Variants in PPP6R2 observed in about 807,000 individuals in gnomAD.
PPP6R2 encodes serine/threonine-protein phosphatase 6 regulatory subunit 2.
Under a neutral mutation model 100.2 loss-of-function variants are expected in PPP6R2, and 62 were observed. The observed-to-expected ratio is 0.62, with a 90% CI of 0.50 to 0.76. PPP6R2 has a LOEUF of 0.76. Among genes scored for constraint, PPP6R2 ranks in the 30% least tolerant of loss-of-function variants. The pLI, the probability that PPP6R2 is intolerant of heterozygous loss-of-function variation, is 0.00. For synonymous variants in PPP6R2, 525 were observed against 514.7 expected, an observed-to-expected ratio of 1.02 and a Z score of -0.27; for missense variants, 1,142 against 1,276.3, an observed-to-expected ratio of 0.89 and a Z score of 1.60.
intron 4 of PPP6R2, among the ~76,000 whole-genome samples, chr22:50,410,815 A>G (rs2059639720): frequency 1.3e-5 from 2 of 151,128 alleles, no homozygotes; most frequent in African/African-American, 4.9e-5. Context: ...CGTTTGAGAC[A>G]AAGTCTCCCT....
At chr22:50,331,027 G>A in the PPP6R2 span, among the ~76,000 whole-genome samples, 279 of 152,270 alleles carry the variant, frequency 1.8e-3, 4 homozygotes, top group East Asian at 0.042. Context: ...AAGCCATGAC[G>A]TGTGTGGGGA....
At chr22:50,398,708 G>T (rs921683422) in intron 3 of PPP6R2, among the ~76,000 whole-genome samples, 2 of 147,760 alleles carry the variant, frequency 1.4e-5, no homozygotes, top group Admixed American at 6.8e-5. Flanking sequence ...GAAGAGACGG[G>T]GTTACCATGT....
chr22:50,400,405 A>C (rs1355023188), intron 3 of PPP6R2, among the ~76,000 whole-genome samples: 1 of 152,148 alleles, frequency 6.6e-6, no homozygotes, highest in East Asian at 1.9e-4. Context: ...TGCGTGTTTG[A>C]GACCCTCTGA....
intron 19 of PPP6R2, 131 bp downstream of exon 19, chr22:50,438,893 C>T: frequency 3.0e-6 from 3 of 985,916 alleles, no homozygotes. Flanking sequence ...GCCTGAATCC[C>T]CAGCTATTTC....
At chr22:50,394,260 A>C in intron 3 of PPP6R2, 125 bp downstream of exon 3, 1 of 1,424,726 alleles carries the variant, frequency 7.0e-7, no homozygotes, top group Non-Finnish European at 9.5e-7. Context: ...AATCCACCCC[A>C]TGTGAGAAGT....
At chr22:50,428,792 C>T (rs1359458414) in intron 10 of PPP6R2, among the ~76,000 whole-genome samples, 1 of 152,052 alleles carries the variant, frequency 6.6e-6, no homozygotes, top group Non-Finnish European at 1.5e-5. Context: ...TTTGCCTTTA[C>T]CATTTGGATG....
chr22:50,336,023 C>T, the PPP6R2 span, among the ~76,000 whole-genome samples: 1 of 151,226 alleles, frequency 6.6e-6, no homozygotes, highest in African/African-American at 2.4e-5. Context: ...CTTGCTCTAT[C>T]GTCCAGGCTG....
At chr22:50,366,403 A>G (rs1285620622) in intron 1 of PPP6R2, among the ~76,000 whole-genome samples, 1 of 151,348 alleles carries the variant, frequency 6.6e-6, no homozygotes, top group East Asian at 1.9e-4. Flanking sequence ...CTCCGGGTTC[A>G]AGCAGTTCTC....
intron 3 of PPP6R2, among the ~76,000 whole-genome samples, chr22:50,395,518 C>T (rs553307759): frequency 2.6e-4 from 40 of 152,102 alleles, no homozygotes; most frequent in Non-Finnish European, 4.0e-4. Context: ...CAGGTCATGT[C>T]CTTTTCCGTG....
chr22:50,342,355 C>T (rs941916432), upstream of PPP6R2, among the ~76,000 whole-genome samples: 1 of 152,224 alleles, frequency 6.6e-6, no homozygotes, highest in African/African-American at 2.4e-5. Flanking sequence ...GGGAAAGGCT[C>T]GCCAGAGGCA....
At chr22:50,411,398 G>A (rs957157005) in intron 4 of PPP6R2, among the ~76,000 whole-genome samples, 1 of 152,028 alleles carries the variant, frequency 6.6e-6, no homozygotes, top group Admixed American at 6.6e-5. Flanking sequence ...AGGTTGCAGT[G>A]AGCCAAGATT....
chr22:50,358,929 G>A (rs992325783), intron 1 of PPP6R2, among the ~76,000 whole-genome samples: 5 of 146,666 alleles, frequency 3.4e-5, no homozygotes, highest in South Asian at 4.4e-4. Context: ...TGTTAACACC[G>A]CGATGTCTTG....
chr22:50,444,166 C>T (rs1174580761), intron 23 of PPP6R2, 33 bp from the exon 24 acceptor site: 1 of 1,612,172 alleles, frequency 6.2e-7, no homozygotes, highest in South Asian at 1.1e-5. Flanking sequence ...GGCCCGCAGC[C>T]CGCACGGTTC....
Position 50,441,038 on chromosome 22 carries a change from G to C in PPP6R2, c.2579+12G>C. On this transcript the variant is annotated intron_variant, in intron 22 of 23. Transcript: ENST00000612753. ...GAGGCTGTCGGCAGGTGTGTGGGGCGTGGCGGGGGCGGGCCTGCCGGGTGC... is the reference window on the plus strand; with the variant it reads ...GAGGCTGTCGGCAGGTGTGTGGGGCCTGGCGGGGGCGGGCCTGCCGGGTGC... 6.4e-7 allele frequency: 1 copy of C among 1,550,942 alleles called. No homozygotes were observed. The highest frequency in any genetic ancestry group is 8.7e-7 in the Non-Finnish European group (1 of 1,145,688).
the PPP6R2 span, among the ~76,000 whole-genome samples, chr22:50,335,822 C>A: frequency 1.4e-5 from 2 of 143,048 alleles, 1 homozygote; most frequent in Non-Finnish European, 3.0e-5. Context: ...ACTACAGGCA[C>A]CTGCCACCAC....
chr22:50,339,319 T>G (rs2042341674), upstream of PPP6R2, among the ~76,000 whole-genome samples: 1 of 68,696 alleles, frequency 1.5e-5, no homozygotes, highest in Non-Finnish European at 2.6e-5. Flanking sequence ...GTTGTGGGTG[T>G]AGTGTGTGTG....
chr22:50,376,550 G>A (rs2051599943), intron 2 of PPP6R2, among the ~76,000 whole-genome samples: 1 of 152,112 alleles, frequency 6.6e-6, no homozygotes, highest in South Asian at 2.1e-4. Flanking sequence ...AGCCTTCTGA[G>A]TGGCTGGGAC....
chr22:50,332,784 C>T, the PPP6R2 span, among the ~76,000 whole-genome samples: 2 of 151,376 alleles, frequency 1.3e-5, no homozygotes, highest in Non-Finnish European at 2.9e-5. Flanking sequence ...CCACCACGCC[C>T]AGCTAATTTT....
At chr22:50,442,358 GCTC>G (rs1182702351) in intron 22 of PPP6R2, among the ~76,000 whole-genome samples, 1 of 152,230 alleles carries the variant, frequency 6.6e-6, no homozygotes, top group Non-Finnish European at 1.5e-5. Context: ...TGTGCTCACA[GCTC>G]CTCCCCTTGT....
Sources: allele counts gnomAD v4.1 joint callset (sites outside exome capture counted in the v4.1 genomes callset), GRCh38; gene constraint gnomAD v4.1.1; transcripts MANE v1.5; gene names NCBI Gene and HGNC (gene_info 2026-07-23, HGNC 2026-07-21).